IQSEC1: variants seen among roughly 807,000 people sequenced by gnomAD.
IQSEC1 encodes the protein IQ motif and Sec7 domain ArfGEF 1, also known as IQ motif and SEC7 domain-containing protein 1.
In IQSEC1, 31 loss-of-function variants were observed where a neutral mutation model predicts 91.0. The ratio of observed to expected loss-of-function variants is 0.34; its 90% confidence interval spans 0.26 to 0.46. The LOEUF (loss-of-function observed/expected upper bound fraction) is 0.46, where lower values mean the gene tolerates loss of function less well. IQSEC1 is among the 20% of genes least tolerant of loss of function. IQSEC1 has a pLI of 1.00. For missense variants in IQSEC1, 1,388 were observed against 1,575.6 expected (o/e 0.88, Z 2.02); for synonymous variants, 699 against 662.6 (o/e 1.05, Z -0.84).
intron 2 of IQSEC1, among the ~76,000 whole-genome samples, chr3:13,136,373 G>A (rs1019203676): frequency 6.6e-6 from 1 of 152,190 alleles, no homozygotes; most frequent in Non-Finnish European, 1.5e-5. Context: ...TTCCAAATTG[G>A]GGCCGGGAAT....
rs115358012 is a variant in IQSEC1, at chr3:13,156,219, G to A, written c.302+7885C>T. ...TGCACTCTAGCCTAGGTGATAGAGCGAGACTCCGTCCCAAAAAAATAAAAA... is the reference window on the plus strand; with the variant it reads ...TGCACTCTAGCCTAGGTGATAGAGCAAGACTCCGTCCCAAAAAAATAAAAA... On this transcript the variant is annotated intron_variant, in intron 2 of 15. Transcript: ENST00000648114. 6.2e-3 allele frequency among the ~76,000 whole-genome samples: 935 copies of A among 151,982 alleles called. 15 individuals are homozygous for A. The highest frequency in any genetic ancestry group is 0.022 in the African/African-American group (893 of 41,474).
rs1327440730 is a variant in IQSEC1 at position 13,259,911 on chromosome 3, G to T, written c.272+22800C>A. 6.6e-6 allele frequency among the ~76,000 whole-genome samples: 1 copy of T among 152,236 alleles called. No homozygotes were observed. The highest frequency in any genetic ancestry group is 6.5e-5 in the Admixed American group (1 of 15,282). ...GACTTTATTTATATACCAATATTTA[G>T]TTCTGCTTGCAATTAAGCAGATCTG... On this transcript the variant is annotated intron_variant, in intron 1 of 15. Coordinates refer to the IQSEC1 transcript ENST00000648114. This position sits in a 1 kb window ranked among gnomAD's most constrained non-coding sequence, Gnocchi z 4.6.
At chr3:13,077,751 T>C (rs1022964680), upstream of IQSEC1, among the ~76,000 whole-genome samples, 10 of 152,212 alleles carry the variant, frequency 6.6e-5, no homozygotes, top group African/African-American at 1.9e-4. Context: ...TGTGGGCTTC[T>C]GGAAGCCTGG....
rs756448075 is a variant in IQSEC1 at position 12,935,707 on chromosome 3, T to C, written c.1309A>G (p.Ile437Val). 1.2e-6 allele frequency: 2 copies of C among 1,613,354 alleles called. No individual in the cohort carries two copies. Among genetic ancestry groups the C allele is most frequent in the Admixed American group, 3.3e-5 (2 of 60,024 alleles). ...PPRPLDSHLA[I>V]NGSANRQSKS... is the part of the protein sequence containing the mutation. Reference sequence around the variant, plus strand: ...CTCTGCCGGTTGGCTGAGCCATTGATGGCCAAGTGGCTGTCCAGGGGCCTG... The same window carrying C: ...CTCTGCCGGTTGGCTGAGCCATTGACGGCCAAGTGGCTGTCCAGGGGCCTG... Residue 437 changes from isoleucine to valine, a missense_variant, in exon 3 of 14, where the codon ATC (isoleucine) becomes GTC (valine). Physicochemically the swap from Ile to Val is conservative, Grantham distance 29 (BLOSUM62 3). Transcript: ENST00000613206. This position sits in a 1 kb window ranked among gnomAD's most constrained non-coding sequence, Gnocchi z 8.0.
chr3:13,253,928 C>T (rs1695242991), intron 1 of IQSEC1, among the ~76,000 whole-genome samples: 1 of 152,228 alleles, frequency 6.6e-6, no homozygotes, highest in Non-Finnish European at 1.5e-5. Flanking sequence ...CCGATGGAAG[C>T]TGTGTTTCCA....
At chr3:12,959,642 C>T (rs1338019567) in intron 1 of IQSEC1, among the ~76,000 whole-genome samples, 4 of 152,312 alleles carry the variant, frequency 2.6e-5, no homozygotes, top group East Asian at 3.9e-4. Flanking sequence ...ACACTGTGGC[C>T]TGCCCCAAGC....
chr3:13,231,432 T>A (rs985686194), intron 1 of IQSEC1, among the ~76,000 whole-genome samples: 1 of 152,192 alleles, frequency 6.6e-6, no homozygotes, highest in Admixed American at 6.5e-5. Context: ...AGCGGGGATC[T>A]GGTCTTCTTG....
chr3:13,090,907 C>G (rs925441174), intron 2 of IQSEC1, among the ~76,000 whole-genome samples: 1 of 152,186 alleles, frequency 6.6e-6, no homozygotes. Flanking sequence ...GTTCCCTTGA[C>G]CAAAAGCCCT....
At chr3:13,057,461 A>G (rs1463956121) in intron 1 of IQSEC1, among the ~76,000 whole-genome samples, 1 of 152,216 alleles carries the variant, frequency 6.6e-6, no homozygotes, top group African/African-American at 2.4e-5. Flanking sequence ...CGGCCAGACA[A>G]GCACACACAC....
At chr3:12,957,786 T>C (rs1700006016) in intron 1 of IQSEC1, among the ~76,000 whole-genome samples, 1 of 152,220 alleles carries the variant, frequency 6.6e-6, no homozygotes, top group South Asian at 2.1e-4. Context: ...CATTCCCATG[T>C]ACCCACTGCC....
chr3:13,256,595 C>A (rs560167431), intron 1 of IQSEC1, among the ~76,000 whole-genome samples: 1 of 152,172 alleles, frequency 6.6e-6, no homozygotes, highest in Non-Finnish European at 1.5e-5. Context: ...GCTGACCTCA[C>A]CAACCCCAAA....
intron 1 of IQSEC1, among the ~76,000 whole-genome samples, chr3:12,976,754 C>T (rs1003557720): frequency 4.6e-5 from 7 of 152,142 alleles, no homozygotes; most frequent in African/African-American, 1.7e-4. Context: ...TATCCCCTGC[C>T]GTCTATAGCA....
Position 13,199,323 on chromosome 3 carries a change from A to T in IQSEC1, c.273-35190T>A, listed in dbSNP as rs568585768. On this transcript the variant is annotated intron_variant, in intron 1 of 15. Coordinates refer to the IQSEC1 transcript ENST00000648114. ...TCCTGGTTGACAGCTTGGGCTGGGG[A>T]CTCTGGCTCCAATTGTTGTGACTGA... 2.4e-4 allele frequency among the ~76,000 whole-genome samples: 37 copies of T among 152,200 alleles called. 2 individuals carry two copies. In the South Asian group the frequency reaches 5.6e-3, roughly 23 times the overall value.
intron 2 of IQSEC1, among the ~76,000 whole-genome samples, chr3:13,146,565 C>T (rs1302405114): frequency 2.0e-5 from 3 of 152,172 alleles, no homozygotes; most frequent in Non-Finnish European, 2.9e-5. Flanking sequence ...GAGGGCAGGG[C>T]GCAGTGGCTC....
intron 2 of IQSEC1, among the ~76,000 whole-genome samples, chr3:13,136,043 A>C (rs532835234): frequency 1.3e-4 from 20 of 152,330 alleles, no homozygotes; most frequent in Admixed American, 5.9e-4. Context: ...CCAAGCTTGC[A>C]TGTCCTGGCC....
At chr3:13,120,356 C>T (rs921744894) in intron 2 of IQSEC1, among the ~76,000 whole-genome samples, 25 of 152,172 alleles carry the variant, frequency 1.6e-4, no homozygotes, top group African/African-American at 4.8e-4. Flanking sequence ...ACTTCAAAGC[C>T]TGAGCTCTTC....
intron 2 of IQSEC1, among the ~76,000 whole-genome samples, chr3:13,140,966 C>T (rs1308812004): frequency 6.6e-6 from 1 of 152,234 alleles, no homozygotes; most frequent in African/African-American, 2.4e-5. Context: ...TCTGCCTTGC[C>T]TGAAGGCAAC....
intron 2 of IQSEC1, among the ~76,000 whole-genome samples, chr3:13,088,756 T>A (rs1705785406): frequency 6.6e-6 from 1 of 152,230 alleles, no homozygotes; most frequent in South Asian, 2.1e-4. Context: ...ACTGGCCTGT[T>A]GCAGTTTCTC....
At chr3:13,073,512 C>G (rs1041254631), upstream of IQSEC1, among the ~76,000 whole-genome samples, 1 of 152,094 alleles carries the variant, frequency 6.6e-6, no homozygotes, top group Admixed American at 6.5e-5. Context: ...GACCAATCGC[C>G]GAGGCGCTGG....
Sources: gnomAD v4.1 joint callset for allele counts (sites outside exome capture counted in the v4.1 genomes callset) on GRCh38, gnomAD v4.1.1 for gene constraint, Gnocchi (gnomAD v3.1) non-coding constraint, MANE v1.5 for transcripts, NCBI Gene and HGNC (gene_info 2026-07-23, HGNC 2026-07-21) for gene names.